Variants in PHACTR1 observed in about 807,000 individuals in gnomAD.
PHACTR1 encodes the protein phosphatase and actin regulator 1, also known as RPEL repeat containing 1.
A neutral mutation model predicts 69.2 loss-of-function variants in PHACTR1; 16 were observed. The observed-to-expected ratio is 0.23, with a 90% confidence interval of 0.16 to 0.35. The LOEUF is 0.35. Ranked by LOEUF, PHACTR1 falls within the 10% of genes least tolerant of loss-of-function variation. PHACTR1 has a pLI of 1.00. For synonymous variants in PHACTR1, 312 were observed against 284.5 expected (o/e 1.10, Z -0.97); for missense variants, 510 against 734.7 (o/e 0.69, Z 3.54).
intron 4 of PHACTR1, among the ~76,000 whole-genome samples, chr6:12,836,976 C>A (rs1448103398): frequency 2.0e-5 from 3 of 152,094 alleles, no homozygotes; most frequent in Non-Finnish European, 2.9e-5. Context: ...CAGCCCCTCC[C>A]CCTCTATGTT....
rs114249112 is a variant in PHACTR1 at position 12,871,205 on chromosome 6, G to A, written c.250+121415G>A. On this transcript the variant is annotated intron_variant, in intron 4 of 14. Transcript: ENST00000332995. ...GGAAAGGGGGCCAGATGAAAAGAAT[G>A]TGTTGGTATTTGCTCACCGCTATGT... 4.8e-3 allele frequency among the ~76,000 whole-genome samples: 729 copies of A among 152,172 alleles called. 2 individuals are homozygous for A. Among genetic ancestry groups the A allele is most frequent in the African/African-American group, 0.017 (697 of 41,450 alleles).
chr6:13,107,445 A>C (rs1816352338), intron 5 of PHACTR1, among the ~76,000 whole-genome samples: 1 of 152,114 alleles, frequency 6.6e-6, no homozygotes, highest in Non-Finnish European at 1.5e-5. Flanking sequence ...GTTTGTGTAA[A>C]TTTGTTATTA....
intron 3 of PHACTR1, among the ~76,000 whole-genome samples, chr6:12,728,349 C>T (rs1320551387): frequency 2.6e-5 from 4 of 152,054 alleles, no homozygotes; most frequent in Non-Finnish European, 5.9e-5. Flanking sequence ...ATCAACCCTA[C>T]ACAACTATTT....
rs139349298 is a variant in PHACTR1, at chr6:12,870,362, T to G, written c.250+120572T>G. Among the ~76,000 whole-genome samples, 24 of 152,366 alleles carry G rather than the reference T, an allele frequency of 1.6e-4. No individual in the cohort carries two copies. The East Asian group carries it at 4.6e-3, about 29-fold the overall frequency. On this transcript the variant is annotated intron_variant, in intron 4 of 14. Transcript: ENST00000332995. Reference sequence around the variant, plus strand: ...TTTTTTAGACTATTGCTATGTAATCTAATTCAATTCTTTTAAATGGAAGAT... The same window carrying G: ...TTTTTTAGACTATTGCTATGTAATCGAATTCAATTCTTTTAAATGGAAGAT...
intron 10 of PHACTR1, among the ~76,000 whole-genome samples, chr6:13,259,783 C>T (rs2000372): frequency 9.9e-5 from 15 of 152,142 alleles, no homozygotes; most frequent in South Asian, 4.1e-4. Flanking sequence ...CATCTTCCCC[C>T]CTCTGTGCTC....
intron 4 of PHACTR1, among the ~76,000 whole-genome samples, chr6:12,965,881 G>A (rs1793422451): frequency 6.6e-6 from 1 of 152,188 alleles, no homozygotes; most frequent in South Asian, 2.1e-4. Context: ...AGTAAACTGA[G>A]GCTTGGAGAA....
At chr6:13,213,347 GCTT>G (rs1767174080) in intron 8 of PHACTR1, among the ~76,000 whole-genome samples, 1 of 152,104 alleles carries the variant, frequency 6.6e-6, no homozygotes, top group African/African-American at 2.4e-5. Context: ...ACCCAGAGCA[GCTT>G]CTTTCACAAA....
intron 4 of PHACTR1, among the ~76,000 whole-genome samples, chr6:12,757,443 T>C (rs960513579): frequency 3.3e-5 from 5 of 152,148 alleles, no homozygotes; most frequent in African/African-American, 9.7e-5. Flanking sequence ...GATTTGCGCA[T>C]AGGAGTAACA....
chr6:13,017,838 T>C (rs915515423), intron 4 of PHACTR1, among the ~76,000 whole-genome samples: 20 of 152,312 alleles, frequency 1.3e-4, no homozygotes, highest in African/African-American at 4.8e-4. Flanking sequence ...AGTCTTATTT[T>C]GTAATGACAC....
chr6:12,920,334 T>A (rs2127510354), intron 4 of PHACTR1, among the ~76,000 whole-genome samples: 1 of 152,340 alleles, frequency 6.6e-6, no homozygotes, highest in East Asian at 1.9e-4. Flanking sequence ...AGGCTTAAAA[T>A]CCACATGGAT....
At position 13,205,972 on chromosome 6, in the gene PHACTR1, C is replaced by T; in HGVS notation, c.822C>T (p.His274=). 1.2e-6 allele frequency: 2 copies of T among 1,614,050 alleles called. No individual in the cohort carries two copies. The highest frequency in any genetic ancestry group is 1.7e-6 in the Non-Finnish European group (2 of 1,179,896). The part of the protein sequence containing the change: ...QKSGQQGVAQ[H]HHTVLPSQIQ... ...GTGGCCAGCAGGGTGTGGCCCAGCA[C>T]CACCACACTGTCCTGCCCTCCCAGA... Residue 274 remains histidine (H), a synonymous_variant, in exon 8 of 15, where the codon CAC becomes CAT. Coordinates refer to ENST00000332995, the MANE Select transcript of PHACTR1 (RefSeq NM_030948.6).
intron 5 of PHACTR1, among the ~76,000 whole-genome samples, chr6:13,055,036 AG>A (rs146897060): frequency 0.026 from 3,990 of 152,318 alleles, 161 homozygotes; most frequent in African/African-American, 0.088. Context: ...CACAGATCTG[AG>A]AATCTTAATG....
chr6:13,203,243 G>A, intron 7 of PHACTR1, among the ~76,000 whole-genome samples: 1 of 152,170 alleles, frequency 6.6e-6, no homozygotes, highest in East Asian at 1.9e-4. Context: ...TGTGATGTGA[G>A]CTGGTCACTG....
chr6:13,103,433 T>C (rs533915305), intron 5 of PHACTR1, among the ~76,000 whole-genome samples: 1 of 152,364 alleles, frequency 6.6e-6, no homozygotes, highest in East Asian at 1.9e-4. Context: ...ATGGTGATTA[T>C]GTTACTTTTG....
intron 8 of PHACTR1, among the ~76,000 whole-genome samples, chr6:13,224,174 CAGA>C (rs1394360811): frequency 6.6e-6 from 1 of 152,196 alleles, no homozygotes; most frequent in Non-Finnish European, 1.5e-5. Flanking sequence ...CAGATACAAA[CAGA>C]AGATGTGGCT....
chr6:13,090,253 A>G (rs1375431603), intron 5 of PHACTR1, among the ~76,000 whole-genome samples: 1 of 145,756 alleles, frequency 6.9e-6, no homozygotes, highest in Non-Finnish European at 1.5e-5. Flanking sequence ...ACAGGGTTTC[A>G]CCATGTTGTC....
chr6:13,083,016 G>C (rs1300306262), intron 5 of PHACTR1, among the ~76,000 whole-genome samples: 1 of 152,148 alleles, frequency 6.6e-6, no homozygotes, highest in Non-Finnish European at 1.5e-5. Flanking sequence ...TGAAGTCCTT[G>C]CCCATGTCTA....
At chr6:12,784,879 T>C (rs979203967) in intron 4 of PHACTR1, among the ~76,000 whole-genome samples, 3 of 151,928 alleles carry the variant, frequency 2.0e-5, no homozygotes, top group African/African-American at 7.2e-5. Flanking sequence ...CATGCCCAGC[T>C]AATTTTTTTA....
chr6:12,764,138 A>G (rs897734184), intron 4 of PHACTR1, among the ~76,000 whole-genome samples: 6 of 152,212 alleles, frequency 3.9e-5, no homozygotes, highest in African/African-American at 1.4e-4. Context: ...TAATGTACAA[A>G]TGAAAACTTT....
Sources: gnomAD v4.1 joint callset for allele counts (sites outside exome capture counted in the v4.1 genomes callset) on GRCh38, gnomAD v4.1.1 for gene constraint, MANE v1.5 for transcripts, NCBI Gene and HGNC (gene_info 2026-07-23, HGNC 2026-07-21) for gene names.